COX10: variants seen among roughly 807,000 people sequenced by gnomAD.
COX10 encodes the protein cytochrome c oxidase assembly factor heme A:farnesyltransferase COX10.
A neutral mutation model predicts 37.3 loss-of-function variants in COX10; 27 were observed. That is an observed-to-expected ratio of 0.72 (90% confidence interval 0.53 to 1.00). COX10 has a LOEUF of 1.00. Ranked by LOEUF, COX10 falls within the 50% of genes least tolerant of loss-of-function variation. The pLI is 0.00. For synonymous variants in COX10, 222 were observed against 229.1 expected, an observed-to-expected ratio of 0.97 and a Z score of 0.28; for missense variants, 475 against 563.2, an observed-to-expected ratio of 0.84 and a Z score of 1.59.
intron 6 of COX10, among the ~76,000 whole-genome samples, chr17:14,200,825 G>T (rs548583518): frequency 2.0e-5 from 3 of 152,202 alleles, no homozygotes; most frequent in Non-Finnish European, 4.4e-5. Flanking sequence ...AAAAGAAGTC[G>T]AAAACACGTG....
intron 5 of COX10, among the ~76,000 whole-genome samples, chr17:14,179,456 T>A (rs1452957735): frequency 6.6e-6 from 1 of 152,228 alleles, no homozygotes; most frequent in Non-Finnish European, 1.5e-5. Context: ...CTGTCAGTTT[T>A]GTTTTTATAA....
chr17:14,180,868 A>G (rs1381712246), intron 5 of COX10, among the ~76,000 whole-genome samples: 4 of 152,080 alleles, frequency 2.6e-5, no homozygotes, highest in African/African-American at 9.7e-5. Context: ...AAGTCATACC[A>G]TAGCGTTCTC....
chr17:14,110,176 A>G (rs1487182369), intron 4 of COX10, among the ~76,000 whole-genome samples: 1 of 152,100 alleles, frequency 6.6e-6, no homozygotes, highest in Non-Finnish European at 1.5e-5. Context: ...TGAGAAGGAA[A>G]CATGTTTATT....
intron 3 of COX10, among the ~76,000 whole-genome samples, chr17:14,079,673 T>C: frequency 6.6e-6 from 1 of 152,270 alleles, no homozygotes. Flanking sequence ...TATAGGCTTA[T>C]TATAAAAAAG....
chr17:14,132,965 A>G (rs1042406426), intron 4 of COX10, among the ~76,000 whole-genome samples: 2 of 151,806 alleles, frequency 1.3e-5, no homozygotes, highest in Non-Finnish European at 3.0e-5. Flanking sequence ...TTTCTAAAAG[A>G]AACAGTACAA....
At chr17:14,115,342 C>T (rs1916086118) in intron 4 of COX10, among the ~76,000 whole-genome samples, 1 of 152,070 alleles carries the variant, frequency 6.6e-6, no homozygotes. Flanking sequence ...GGGTAATAAT[C>T]ACCAGTCAGA....
rs529000215 is a variant in COX10 at position 14,121,670 on chromosome 17, G to C, written c.624+19428G>C. Among the ~76,000 whole-genome samples the C allele has an allele frequency of 1.2e-4, 18 of 152,082 alleles. No homozygotes were observed. The South Asian group carries it at 3.5e-3, about 30-fold the overall frequency. On this transcript the variant is annotated intron_variant, in intron 4 of 6. Coordinates refer to ENST00000261643, the MANE Select transcript of COX10 (RefSeq NM_001303.4). ...GGTAAGTAAGACATTATTTCTACTCGCAAAACCTAGTGGGAAATATAAGAT... is the reference window on the plus strand; with the variant it reads ...GGTAAGTAAGACATTATTTCTACTCCCAAAACCTAGTGGGAAATATAAGAT...
At chr17:14,160,288 A>G (rs961912598) in intron 5 of COX10, among the ~76,000 whole-genome samples, 2 of 152,186 alleles carry the variant, frequency 1.3e-5, no homozygotes, top group African/African-American at 2.4e-5. Context: ...AAATCCATCT[A>G]GGGTCTCAGA....
At position 14,123,160 on chromosome 17, in the gene COX10, A is replaced by C. The variant is rs972808340; in HGVS notation, c.624+20918A>C. Among the ~76,000 whole-genome samples, 3 of 152,222 alleles carry C rather than the reference A, an allele frequency of 2.0e-5. No homozygotes were observed. In the East Asian group the frequency reaches 5.8e-4, roughly 29 times the overall value. The stretch of plus-strand genomic sequence containing the variant: ...AACAGGTTTCACCACATGAGTAAAG[A>C]GTAGGAAACTGAGGCCCAGCGTTAA... On this transcript the variant is annotated intron_variant, in intron 4 of 6. Transcript: ENST00000261643.
chr17:14,110,704 C>G (rs550534318), intron 4 of COX10, among the ~76,000 whole-genome samples: 3 of 152,112 alleles, frequency 2.0e-5, no homozygotes, highest in Admixed American at 2.0e-4. Context: ...TAGTTCTCTG[C>G]TCTGAACCAC....
At chr17:14,195,206 A>G (rs879480598) in intron 6 of COX10, among the ~76,000 whole-genome samples, 1 of 152,232 alleles carries the variant, frequency 6.6e-6, no homozygotes, top group African/African-American at 2.4e-5. Context: ...TAAGCAGCAA[A>G]TACTTAATTG....
chr17:14,099,413 T>C (rs989901712), intron 3 of COX10, among the ~76,000 whole-genome samples: 1 of 152,094 alleles, frequency 6.6e-6, no homozygotes, highest in African/African-American at 2.4e-5. Context: ...GGTACAACTA[T>C]AAAGGATTAT....
Position 14,091,807 on chromosome 17 carries a change from A to G in COX10, c.500-10311A>G, listed in dbSNP as rs142890059. 3.3e-4 allele frequency among the ~76,000 whole-genome samples: 51 copies of G among 152,318 alleles called. No homozygotes were observed. The East Asian group carries it at 8.3e-3, about 25-fold the overall frequency. On this transcript the variant is annotated intron_variant, in intron 3 of 6. Coordinates refer to ENST00000261643, the MANE Select transcript of COX10 (RefSeq NM_001303.4). Reference sequence around the variant, plus strand: ...TTAATTCTTTAAGTGTTTATCTTGTACAATATCTGCTCTCTGGATAAACAC... The same window carrying G: ...TTAATTCTTTAAGTGTTTATCTTGTGCAATATCTGCTCTCTGGATAAACAC...
chr17:14,098,405 C>T (rs570705802), intron 3 of COX10, among the ~76,000 whole-genome samples: 1 of 152,172 alleles, frequency 6.6e-6, no homozygotes, highest in South Asian at 2.1e-4. Flanking sequence ...TCCTGGTTGT[C>T]ACTGACGCAA....
chr17:14,194,085 ACAGGGCCAGAGT>A (rs570522091), intron 6 of COX10, among the ~76,000 whole-genome samples: 162 of 152,278 alleles, frequency 1.1e-3, no homozygotes, highest in African/African-American at 3.8e-3. Flanking sequence ...GAAGACCCAG[ACAGGGCCAGAGT>A]CAGGGCCAAG....
chr17:14,105,859 A>T lies in COX10; in HGVS notation c.624+3617A>T, dbSNP rs148394989. Reference sequence around the variant, plus strand: ...TATTATTATAGACTTCTTCACATACACACATATCTTCATATATATAACATA... The same window carrying T: ...TATTATTATAGACTTCTTCACATACTCACATATCTTCATATATATAACATA... On this transcript the variant is annotated intron_variant, in intron 4 of 6. Transcript: ENST00000261643. Among the ~76,000 whole-genome samples the T allele has an allele frequency of 4.8e-3, 725 of 152,174 alleles. 16 individuals carry two copies. The highest frequency in any genetic ancestry group is 0.031 in the Admixed American group (478 of 15,272).
Position 14,208,659 on chromosome 17 carries a change from A to G in COX10, c.*1446A>G, listed in dbSNP as rs1906780570. 2 of 152,198 alleles carry G rather than the reference A, an allele frequency of 1.3e-5. No homozygotes were observed. The highest frequency in any genetic ancestry group is 2.1e-4 in the South Asian group (1 of 4,822). The allele number at this position is 152,198 out of a possible 1,614,324, so 9.4% of individuals were successfully genotyped here. ...TCATTGATTCTCTTTTCCTTCCACAATAAAATGGTATACAAGAACAGGAGT... is the reference window on the plus strand; with the variant it reads ...TCATTGATTCTCTTTTCCTTCCACAGTAAAATGGTATACAAGAACAGGAGT... On this transcript the variant is annotated 3_prime_UTR_variant, in exon 7 of 7. Transcript: ENST00000261643.
chr17:14,202,143 G>T (rs1199914672), intron 6 of COX10, among the ~76,000 whole-genome samples: 1 of 149,134 alleles, frequency 6.7e-6, no homozygotes, highest in African/African-American at 2.5e-5. Flanking sequence ...TTTTCTTTCA[G>T]CAAGCCTTCC....
At chr17:14,151,335 A>G (rs1904886002) in intron 4 of COX10, among the ~76,000 whole-genome samples, 1 of 152,094 alleles carries the variant, frequency 6.6e-6, no homozygotes, top group Admixed American at 6.5e-5. Context: ...TTAGCATGGT[A>G]TTTTTGCCCA....
Sources: allele counts gnomAD v4.1 joint callset (sites outside exome capture counted in the v4.1 genomes callset), GRCh38; gene constraint gnomAD v4.1.1; transcripts MANE v1.5; gene names NCBI Gene and HGNC (gene_info 2026-07-23, HGNC 2026-07-21).